KLK7: variants seen among roughly 807,000 people sequenced by gnomAD.
The protein encoded by KLK7 is kallikrein-7.
Under a neutral mutation model 21.0 loss-of-function variants are expected in KLK7, and 17 were observed. That is an observed-to-expected ratio of 0.81 (90% CI 0.55 to 1.21). KLK7 has a LOEUF of 1.21. Among genes scored for constraint, KLK7 ranks in the 50% most tolerant of loss-of-function variants. The pLI, the probability that KLK7 is intolerant of heterozygous loss-of-function variation, is 0.00. For synonymous variants in KLK7, 151 were observed against 134.6 expected (o/e 1.12, Z -0.85); for missense variants, 330 against 322.8 (o/e 1.02, Z -0.17).
Position 50,978,915 on chromosome 19 carries a change from G to GA in KLK7, c.606+872_606+873insT, listed in dbSNP as rs57950783. ...AGCAGGGGGGCAGGGAGAGGAGAGA[G>GA]GGAGGGGAGGAGAGAGAGAGAAGCA... is the stretch of plus-strand genomic sequence containing the variant. On this transcript the variant is annotated intron_variant, in intron 5 of 5. Coordinates refer to ENST00000595820, the MANE Select transcript of KLK7 (RefSeq NM_005046.4). 1.7e-3 allele frequency among the ~76,000 whole-genome samples: 242 copies of GA among 140,902 alleles called. 1 individual carries two copies. Among genetic ancestry groups the GA allele is most frequent in the Non-Finnish European group, 2.2e-3 (144 of 65,474 alleles). The allele number at this position is 140,902 out of a possible 152,430, so 92.4% of individuals were successfully genotyped here.
chr19:50,980,283 G>C lies in KLK7; in HGVS notation c.426C>G (p.Thr142=), dbSNP rs776263376. The part of the protein sequence containing the change: ...RLPSRCEPPG[T]TCTVSGWGTT... ...TGCCCCAGCCGGAGACAGTACAGGTGGTTCCAGGGGGTTCGCAGCGGGAGG... is the reference window on the plus strand; with the variant it reads ...TGCCCCAGCCGGAGACAGTACAGGTCGTTCCAGGGGGTTCGCAGCGGGAGG... Residue 142 remains threonine (T), a synonymous_variant, in exon 4 of 6, where the codon ACC becomes ACG. Transcript: ENST00000595820. The C allele has an allele frequency of 6.2e-7, 1 of 1,614,040 alleles. No homozygotes were observed. The highest frequency in any genetic ancestry group is 8.5e-7 in the Non-Finnish European group (1 of 1,179,966).
rs1203570423 is a variant in KLK7, at chr19:50,979,769, T to C, written c.606+19A>G. ...CAGGGTACCCAGGACTGGGGAGGAA[T>C]TGGGGGGGAGGGTCTCACATTGCAG... On this transcript the variant is annotated intron_variant, in intron 5 of 5. Coordinates refer to ENST00000595820, the MANE Select transcript of KLK7 (RefSeq NM_005046.4). 1.5e-5 allele frequency: 23 copies of C among 1,558,428 alleles called. No individual in the cohort carries two copies. Among genetic ancestry groups the C allele is most frequent in the South Asian group, 1.2e-4 (10 of 84,620 alleles).
intron 3 of KLK7, among the ~76,000 whole-genome samples, chr19:50,981,345 A>G: frequency 7.3e-6 from 1 of 136,908 alleles, no homozygotes; most frequent in Admixed American, 7.4e-5. Flanking sequence ...ATCCAGAGAG[A>G]AAGGCAGACA....
rs1991818 is a variant in KLK7 at position 50,981,757 on chromosome 19, C to G, written c.221+10G>C. On this transcript the variant is annotated intron_variant, in intron 3 of 5. Coordinates refer to ENST00000595820, the MANE Select transcript of KLK7 (RefSeq NM_005046.4). ...GGTGCACCTCCAGCAGAGACTTGGG[C>G]GGCACCTACTTCATCTTGCAGTGGG... is the stretch of plus-strand genomic sequence containing the variant. 6.5e-7 allele frequency: 1 copy of G among 1,537,386 alleles called. No individual in the cohort carries two copies.
chr19:50,980,359 T>C lies in KLK7; in HGVS notation c.350A>G (p.Lys117Arg), dbSNP rs764752056. The change falls in exon 4 of 6, where the codon AAG becomes AGG. Residue 117 changes from lysine (K) to arginine (R), a missense_variant. Transcript: ENST00000595820. Reference protein sequence around the residue: ...QTHVNDLMLVKLNSQARLSSM... With the variant: ...QTHVNDLMLVRLNSQARLSSM... The stretch of plus-strand genomic sequence containing the variant: ...TGACAGCCTGGCCTGGCTATTGAGC[T>C]TCACGAGCATGAGGTCATTAACATG... 9 of 1,614,046 alleles carry C rather than the reference T, an allele frequency of 5.6e-6. No individual in the cohort carries two copies. In the African/African-American group the frequency reaches 1.1e-4, roughly 19 times the overall value.
intron 3 of KLK7, among the ~76,000 whole-genome samples, chr19:50,981,456 G>A (rs1489497316): frequency 7.9e-6 from 1 of 125,942 alleles, no homozygotes; most frequent in Non-Finnish European, 1.6e-5. Context: ...AGAGACCAGA[G>A]AGAGAGGGAC....
chr19:50,979,182 G>A (rs761446503), intron 5 of KLK7, among the ~76,000 whole-genome samples: 7 of 152,108 alleles, frequency 4.6e-5, no homozygotes, highest in South Asian at 2.1e-4. Context: ...CCAGGGTCAG[G>A]TGAGTGAGTC....
rs1357889114 is a variant in KLK7 at position 50,983,831 on chromosome 19, T to C, written c.-59+20A>G. ...CACCCTCTCCCCTACAGGTGCACCC[T>C]TGATGAAGCCTCTTCTCACCTCGAG... On this transcript the variant is annotated intron_variant, in intron 1 of 5. Coordinates refer to ENST00000595820, the MANE Select transcript of KLK7 (RefSeq NM_005046.4). 13 of 1,289,332 alleles carry C rather than the reference T, an allele frequency of 1.0e-5. No individual in the cohort carries two copies. Among genetic ancestry groups the C allele is most frequent in the Non-Finnish European group, 1.2e-5 (12 of 988,806 alleles). 79.9% of individuals were successfully genotyped at this position (1,289,332 alleles called of 1,614,324 possible).
intron 1 of KLK7, 140 bp downstream of exon 1, chr19:50,983,711 C>A (rs1027393809): frequency 1.7e-6 from 2 of 1,152,002 alleles, no homozygotes; most frequent in African/African-American, 3.2e-5. Flanking sequence ...TAAAAGGCCC[C>A]AAATTGCAGA....
rs1479230558 is a variant in KLK7, at chr19:50,976,693, A to G, written c.*843T>C. ...TGTCATTTAACATCCTATAGCCTAA[A>G]TGTTCTTGAATAATACTGACAATTC... On this transcript the variant is annotated 3_prime_UTR_variant, in exon 6 of 6. Coordinates refer to ENST00000595820, the MANE Select transcript of KLK7 (RefSeq NM_005046.4). 1.3e-5 allele frequency: 2 copies of G among 152,130 alleles called. No individual in the cohort carries two copies. Among genetic ancestry groups the G allele is most frequent in the African/African-American group, 2.4e-5 (1 of 41,394 alleles). 9.4% of individuals were successfully genotyped at this position (152,130 alleles called of 1,614,324 possible).
At position 50,983,791 on chromosome 19, in the gene KLK7, G is replaced by T. The variant is rs2091110111; in HGVS notation, c.-59+60C>A. 8.6e-6 allele frequency: 11 copies of T among 1,286,248 alleles called. 1 individual carries two copies. In the South Asian group the frequency reaches 1.2e-4, roughly 14 times the overall value. The allele number at this position is 1,286,248 out of a possible 1,614,324, so 79.7% of individuals were successfully genotyped here. On this transcript the variant is annotated intron_variant, in intron 1 of 5. Coordinates refer to ENST00000595820, the MANE Select transcript of KLK7 (RefSeq NM_005046.4). ...CCCTACCTCTCGAGAGCAGAGTCAG[G>T]CTTGGAGCCAGCATCACCCTCTCCC...
chr19:50,980,626 A>G, intron 3 of KLK7, 139 bp from the exon 4 acceptor site: 1 of 943,610 alleles, frequency 1.1e-6, no homozygotes, highest in East Asian at 2.8e-5. Flanking sequence ...GGAGACAGAG[A>G]CCCAGAGAGA....
intron 1 of KLK7, 35 bp from the exon 2 acceptor site, chr19:50,982,492 C>G: frequency 6.6e-7 from 1 of 1,516,878 alleles, no homozygotes; most frequent in Non-Finnish European, 8.8e-7. Context: ...CCAGCCCCTC[C>G]CCACTCAGAC....
At chr19:50,981,370 G>C (rs1328308026) in intron 3 of KLK7, among the ~76,000 whole-genome samples, 4 of 29,702 alleles carry the variant, frequency 1.3e-4, no homozygotes. Context: ...CCCAGAGAGA[G>C]GGGGACAGAG....
rs779993380 is a variant in KLK7, at chr19:50,977,341, T to G, written c.*195A>C. 3 of 588,776 alleles carry G rather than the reference T, an allele frequency of 5.1e-6. No individual in the cohort carries two copies. Among genetic ancestry groups the G allele is most frequent in the African/African-American group, 1.9e-5 (1 of 53,668 alleles). 36.5% of individuals were successfully genotyped at this position (588,776 alleles called of 1,614,324 possible). ...GGTCTCACTGACTCTTCTCCAGCAC[T>G]GAGGGTTTTGTGTTTCTTTATTTGT... On this transcript the variant is annotated 3_prime_UTR_variant, in exon 6 of 6. Coordinates refer to ENST00000595820, the MANE Select transcript of KLK7 (RefSeq NM_005046.4).
chr19:50,983,884 T>C lies in KLK7; in HGVS notation c.-92A>G. 1 of 1,289,198 alleles carries C rather than the reference T, an allele frequency of 7.8e-7. No homozygotes were observed. Among genetic ancestry groups the C allele is most frequent in the Non-Finnish European group, 1.0e-6 (1 of 988,728 alleles). 79.9% of individuals were successfully genotyped at this position (1,289,198 alleles called of 1,614,324 possible). On this transcript the variant is annotated 5_prime_UTR_variant, in exon 1 of 6. Transcript: ENST00000595820. ...GATCTGATGTGATCCAAGTTCCGAC[T>C]TGGGCTGGCACACAGCTGGGCTCCA...
At chr19:50,981,979 A>G in intron 2 of KLK7, 65 bp from the exon 3 acceptor site, 3 of 1,513,152 alleles carry the variant, frequency 2.0e-6, no homozygotes. Flanking sequence ...GCTGCACCTC[A>G]GGGATTCCCA....
chr19:50,982,225 A>C, intron 2 of KLK7, 102 bp downstream of exon 2: 1 of 1,451,980 alleles, frequency 6.9e-7, no homozygotes, highest in Non-Finnish European at 9.5e-7. Flanking sequence ...TCCTCCCAGG[A>C]TGGAAGCTGT....
chr19:50,977,636 C>G lies in KLK7; in HGVS notation c.662G>C (p.Trp221Ser). ...GGGTTGGCCGCAAGGGAAAGTTCCC[C>G]AGGACACCAGACCTTGCAGGGTACC... ...CRGTLQGLVSWGTFPCGQPND... is the reference protein window; with the variant it reads ...CRGTLQGLVSSGTFPCGQPND... Residue 221 changes from tryptophan to serine, a missense_variant, in exon 6 of 6, where the codon TGG becomes TCG. Trp to Ser is a radical substitution (Grantham distance 177). Coordinates refer to ENST00000595820, the MANE Select transcript of KLK7 (RefSeq NM_005046.4). 1 of 1,613,818 alleles carries G rather than the reference C, an allele frequency of 6.2e-7. No homozygotes were observed.
Sources: gnomAD v4.1 joint callset for allele counts (sites outside exome capture counted in the v4.1 genomes callset) on GRCh38, gnomAD v4.1.1 for gene constraint, MANE v1.5 for transcripts, NCBI Gene and HGNC (gene_info 2026-07-23, HGNC 2026-07-21) for gene names.